AGBL1: variants seen among roughly 807,000 people sequenced by gnomAD.
The protein encoded by AGBL1 is AGBL carboxypeptidase 1.
AGBL1 carries 130 observed loss-of-function variants against 118.9 expected under a neutral mutation model. That is an observed-to-expected ratio of 1.09 (90% CI 0.95 to 1.26). The LOEUF is 1.26. Among genes scored for constraint, AGBL1 ranks in the 50% most tolerant of loss-of-function variants. AGBL1 has a pLI of 0.00. For missense variants in AGBL1, 1,584 were observed against 1,298.1 expected, an observed-to-expected ratio of 1.22 and a Z score of -3.38; for synonymous variants, 555 against 478.9, an observed-to-expected ratio of 1.16 and a Z score of -2.08.
At chr15:86,520,001 C>T (rs535449827) in intron 18 of AGBL1, among the ~76,000 whole-genome samples, 1 of 152,290 alleles carries the variant, frequency 6.6e-6, no homozygotes, top group East Asian at 1.9e-4. Flanking sequence ...ACTGCCTCTA[C>T]CCTTAGGTGT....
intron 5 of AGBL1, among the ~76,000 whole-genome samples, chr15:86,200,737 C>T (rs767650797): frequency 1.1e-4 from 17 of 151,888 alleles, no homozygotes; most frequent in South Asian, 4.2e-4. Flanking sequence ...CTGCTTCAGC[C>T]GCCTGAGTAA....
intron 22 of AGBL1, among the ~76,000 whole-genome samples, chr15:86,742,541 G>A (rs1045092399): frequency 6.6e-6 from 1 of 152,100 alleles, no homozygotes; most frequent in African/African-American, 2.4e-5. Context: ...GAAGGAAAAA[G>A]AAGCACCTAC....
At chr15:86,903,886 T>C (rs984554376) in intron 22 of AGBL1, among the ~76,000 whole-genome samples, 1 of 151,114 alleles carries the variant, frequency 6.6e-6, no homozygotes, top group African/African-American at 2.4e-5. Context: ...CAATTGCCTG[T>C]AGAGGTCCAG....
chr15:86,944,095 G>A (rs1313718765), intron 23 of AGBL1, among the ~76,000 whole-genome samples: 1 of 152,112 alleles, frequency 6.6e-6, no homozygotes, highest in Non-Finnish European at 1.5e-5. Context: ...TGAAGGGTGG[G>A]GCGCGGTGGC....
At chr15:86,253,442 G>T (rs1184933198) in intron 7 of AGBL1, among the ~76,000 whole-genome samples, 4 of 152,052 alleles carry the variant, frequency 2.6e-5, no homozygotes, top group African/African-American at 9.7e-5. Flanking sequence ...GTAGAGACGG[G>T]ATTTCACCTT....
intron 21 of AGBL1, among the ~76,000 whole-genome samples, chr15:86,600,917 A>G: frequency 6.6e-6 from 1 of 152,174 alleles, no homozygotes; most frequent in East Asian, 1.9e-4. Flanking sequence ...TAATCAAGGC[A>G]GAGGAGGAAG....
intron 23 of AGBL1, among the ~76,000 whole-genome samples, chr15:86,927,331 G>A (rs952482572): frequency 4.0e-5 from 6 of 151,710 alleles, no homozygotes; most frequent in Non-Finnish European, 2.9e-5. Flanking sequence ...GCTTGTTCCT[G>A]GAAGCCCAGC....
chr15:86,819,153 C>T (rs1264176868), intron 22 of AGBL1, among the ~76,000 whole-genome samples: 1 of 152,004 alleles, frequency 6.6e-6, no homozygotes, highest in Non-Finnish European at 1.5e-5. Flanking sequence ...GGGCAAAAAT[C>T]TAACACTGAA....
chr15:87,005,347 C>A (rs1266263190), intron 24 of AGBL1, among the ~76,000 whole-genome samples: 1 of 152,176 alleles, frequency 6.6e-6, no homozygotes, highest in Admixed American at 6.5e-5. Flanking sequence ...TAGATTTGGT[C>A]TTTTCACATA....
At chr15:86,596,894 T>G (rs1404797577) in intron 21 of AGBL1, among the ~76,000 whole-genome samples, 1 of 152,208 alleles carries the variant, frequency 6.6e-6, no homozygotes, top group Non-Finnish European at 1.5e-5. Flanking sequence ...TTATTGCCTG[T>G]ACTCCTATTA....
chr15:86,389,300 T>A (rs766632987), intron 17 of AGBL1, among the ~76,000 whole-genome samples: 1 of 152,028 alleles, frequency 6.6e-6, no homozygotes, highest in Non-Finnish European at 1.5e-5. Flanking sequence ...AGAAGACAAG[T>A]TTCCAGGTAC....
At chr15:86,210,713 G>T (rs944094474) in intron 5 of AGBL1, among the ~76,000 whole-genome samples, 2 of 152,040 alleles carry the variant, frequency 1.3e-5, no homozygotes, top group Non-Finnish European at 2.9e-5. Flanking sequence ...TTAGCCATTC[G>T]TCTAATCTTT....
intron 22 of AGBL1, among the ~76,000 whole-genome samples, chr15:86,890,519 A>T (rs1450964180): frequency 6.6e-6 from 1 of 152,136 alleles, no homozygotes; most frequent in East Asian, 1.9e-4. Flanking sequence ...GGGTTTTTAT[A>T]GTTTTGGGAT....
intron 18 of AGBL1, among the ~76,000 whole-genome samples, chr15:86,514,275 T>C (rs187387048): frequency 6.6e-6 from 1 of 152,240 alleles, no homozygotes; most frequent in East Asian, 1.9e-4. Context: ...TTCCTTTCTG[T>C]AACAGTGAGA....
At chr15:86,269,866 G>A in intron 13 of AGBL1, 53 bp from the exon 14 acceptor site, 2 of 1,585,922 alleles carry the variant, frequency 1.3e-6, no homozygotes, top group Non-Finnish European at 1.7e-6. Flanking sequence ...AGTGTCTGAA[G>A]TTTACCTGAA....
chr15:86,934,971 G>A (rs1195832638), intron 23 of AGBL1: 2 of 152,160 alleles, frequency 1.3e-5, no homozygotes, highest in East Asian at 3.9e-4. Context: ...CCAACCTTGT[G>A]CCATAATAAA....
chr15:86,925,051 G>A (rs1275238172), intron 23 of AGBL1, among the ~76,000 whole-genome samples: 2 of 151,276 alleles, frequency 1.3e-5, no homozygotes. Context: ...GCAGTGAGCC[G>A]AGACTGCACC....
intron 18 of AGBL1, among the ~76,000 whole-genome samples, chr15:86,517,893 GA>G (rs1417914002): frequency 6.6e-6 from 1 of 152,144 alleles, no homozygotes; most frequent in Non-Finnish European, 1.5e-5. Flanking sequence ...TCGTGTTCTT[GA>G]AGCTTTCATG....
intron 22 of AGBL1, among the ~76,000 whole-genome samples, chr15:86,823,812 C>T (rs1399343634): frequency 6.6e-6 from 1 of 152,060 alleles, no homozygotes; most frequent in Non-Finnish European, 1.5e-5. Context: ...ACCATAACAA[C>T]AGGCTAAAGG....
Sources: allele counts gnomAD v4.1 joint callset (sites outside exome capture counted in the v4.1 genomes callset), GRCh38; gene constraint gnomAD v4.1.1; transcripts MANE v1.5; gene names NCBI Gene and HGNC (gene_info 2026-07-23, HGNC 2026-07-21).